BCOR: variants seen among roughly 807,000 people sequenced by gnomAD.
The protein encoded by BCOR is BCL6 corepressor.
Under a neutral mutation model 86.7 loss-of-function variants are expected in BCOR, and 10 were observed. The ratio of observed to expected loss-of-function variants is 0.12; its 90% CI spans 0.07 to 0.20. The LOEUF is 0.20. Among genes scored for constraint, BCOR ranks in the 10% least tolerant of loss-of-function variants. The pLI, the probability that BCOR is intolerant of heterozygous loss-of-function variation, is 1.00. For synonymous variants in BCOR, 611 were observed against 609.0 expected (o/e 1.00, Z -0.05); for missense variants, 1,259 against 1,452.1 (o/e 0.87, Z 2.16).
chrX:40,054,502 T>A (rs1316737867), intron 12 of BCOR, among the ~76,000 whole-genome samples, 169 bp from the exon 13 acceptor site: 7 of 106,464 alleles, frequency 6.6e-5, no homozygotes, highest in African/African-American at 2.4e-4. Context: ...TGTATCTCTT[T>A]TTTTTTTTTT....
intron 1 of BCOR, among the ~76,000 whole-genome samples, chrX:40,158,835 C>T (rs984864358): frequency 8.9e-6 from 1 of 112,309 alleles, no homozygotes; most frequent in Non-Finnish European, 1.9e-5. Flanking sequence ...TTGCTAAGGG[C>T]GAGGCGCTGT....
chrX:40,145,650 G>C (rs1052229657), intron 1 of BCOR, among the ~76,000 whole-genome samples: 1 of 111,787 alleles, frequency 8.9e-6, no homozygotes, highest in Non-Finnish European at 1.9e-5. Context: ...ATAGGGGTGG[G>C]GGTCTCCTGG....
At chrX:40,095,802 T>C (rs1410482512) in intron 1 of BCOR, among the ~76,000 whole-genome samples, 5 of 80,926 alleles carry the variant, frequency 6.2e-5, no homozygotes, top group African/African-American at 2.5e-4. Context: ...TCACAGCCTC[T>C]AGCTGGAGAT....
At chrX:40,113,145 C>A (rs1409466005) in intron 1 of BCOR, among the ~76,000 whole-genome samples, 2 of 107,528 alleles carry the variant, frequency 1.9e-5, no homozygotes. Flanking sequence ...TTGCTATCCT[C>A]CAGTCCACCC....
In BCOR at chrX:40,057,186, C is replaced by G; in HGVS notation, c.4564G>C (p.Asp1522His). Residue 1522 changes from aspartate to histidine, a missense_variant, in exon 11 of 15, where the codon GAT (aspartate) becomes CAT (histidine). Around this residue, in one of 7 missense-constraint regions of BCOR, gnomAD observed 47 missense variants for 102.1 expected, o/e 0.46. Coordinates refer to ENST00000378444, the MANE Select transcript of BCOR (RefSeq NM_001123385.2). Reference sequence around the variant, plus strand: ...CCATCCTGGGCACTACAGTTGACATCAGCGCCATATTCAAGGAGGTGTCGC... The same window carrying G: ...CCATCCTGGGCACTACAGTTGACATGAGCGCCATATTCAAGGAGGTGTCGC... Reference protein sequence around the residue: ...IVRHLLEYGADVNCSAQDGTR... With the variant: ...IVRHLLEYGAHVNCSAQDGTR... 1 of 1,211,928 alleles carries G rather than the reference C, an allele frequency of 8.3e-7. No individual in the cohort carries two copies. The highest frequency in any genetic ancestry group is 2.4e-4 in the Middle Eastern group (1 of 4,208).
At chrX:40,153,041 C>A (rs773985435) in intron 1 of BCOR, among the ~76,000 whole-genome samples, 1 of 113,170 alleles carries the variant, frequency 8.8e-6, no homozygotes, top group African/African-American at 3.2e-5. Context: ...AGCAGCCTGC[C>A]CGGCCAAGTG....
intron 1 of BCOR, among the ~76,000 whole-genome samples, chrX:40,162,710 G>A (rs748633551): frequency 4.5e-5 from 5 of 111,929 alleles, no homozygotes; most frequent in African/African-American, 1.6e-4. Flanking sequence ...TGGATTTAGG[G>A]AAGATGTGTC....
At position 40,073,279 on chromosome X, in the gene BCOR, G is replaced by A; in HGVS notation, c.2067C>T (p.Gly689=). Residue 689 remains glycine (G), a synonymous_variant, in exon 4 of 15, where the codon GGC becomes GGT. Transcript: ENST00000378444. ...GGGCAAGGTGCCCAGGAAACAGACT[G>A]CCATTGGGTAACAAAACTGGGTGAG... ...VYPHPVLLPN[G]SLFPGHLAPK... is the part of the protein sequence containing the mutation. The A allele has an allele frequency of 1.7e-6, 2 of 1,211,038 alleles. No homozygotes were observed. Among genetic ancestry groups the A allele is most frequent in the Non-Finnish European group, 2.2e-6 (2 of 894,860 alleles).
chrX:40,108,166 T>G (rs1937230033), intron 1 of BCOR, among the ~76,000 whole-genome samples: 1 of 112,415 alleles, frequency 8.9e-6, no homozygotes, highest in Non-Finnish European at 1.9e-5. Context: ...AATCGCCAGC[T>G]GCCAACCCAT....
chrX:40,082,049 A>G (rs958865942), intron 1 of BCOR, among the ~76,000 whole-genome samples: 1 of 112,598 alleles, frequency 8.9e-6, no homozygotes, highest in Non-Finnish European at 1.9e-5. Flanking sequence ...TTATGATGAG[A>G]GCACCTGAGC....
chrX:40,117,923 A>G (rs780337022), intron 1 of BCOR, among the ~76,000 whole-genome samples: 1 of 109,803 alleles, frequency 9.1e-6, no homozygotes, highest in South Asian at 4.0e-4. Flanking sequence ...ACTATTCGAG[A>G]GATAGTTTCC....
chrX:40,087,507 A>C (rs1455704484), intron 1 of BCOR, among the ~76,000 whole-genome samples: 1 of 112,518 alleles, frequency 8.9e-6, no homozygotes, highest in East Asian at 2.8e-4. Context: ...CGATGGGCAG[A>C]GTATCATGAA....
At chrX:40,099,189 C>A, upstream of BCOR, among the ~76,000 whole-genome samples, 1 of 111,503 alleles carries the variant, frequency 9.0e-6, no homozygotes. Flanking sequence ...TTCTCCAGCG[C>A]ACCCGGCGCG....
At chrX:40,102,797 G>A (rs1937097196), upstream of BCOR, among the ~76,000 whole-genome samples, 1 of 113,351 alleles carries the variant, frequency 8.8e-6, no homozygotes, top group African/African-American at 3.2e-5. Context: ...AGGTGGGTAC[G>A]GACCAGCAGA....
intron 1 of BCOR, among the ~76,000 whole-genome samples, chrX:40,079,719 C>T (rs1377518373): frequency 1.8e-5 from 2 of 111,380 alleles, no homozygotes; most frequent in Admixed American, 9.5e-5. Context: ...CCCAAAGGAC[C>T]GACTCGGCTG....
At chrX:40,176,376 A>G (rs1938753073) in intron 1 of BCOR, among the ~76,000 whole-genome samples, 1 of 112,297 alleles carries the variant, frequency 8.9e-6, no homozygotes, top group African/African-American at 3.2e-5. Flanking sequence ...CCCCTCCCGG[A>G]GTAGCCCCGC....
At chrX:40,083,053 C>A (rs1412947532) in intron 1 of BCOR, among the ~76,000 whole-genome samples, 1 of 105,728 alleles carries the variant, frequency 9.5e-6, no homozygotes, top group Non-Finnish European at 1.9e-5. Flanking sequence ...AGCAGCAGCG[C>A]TGTGCTCCGG....
At chrX:40,087,987 C>T (rs780718489) in intron 1 of BCOR, among the ~76,000 whole-genome samples, 1 of 112,296 alleles carries the variant, frequency 8.9e-6, no homozygotes, top group East Asian at 2.8e-4. Context: ...ACGTAGGCCT[C>T]GAGCTATTTC....
At chrX:40,095,801 C>T (rs1936835414) in intron 1 of BCOR, among the ~76,000 whole-genome samples, 1 of 105,824 alleles carries the variant, frequency 9.4e-6, no homozygotes, top group African/African-American at 3.5e-5. Flanking sequence ...CTCACAGCCT[C>T]TAGCTGGAGA....
Sources: gnomAD v4.1 joint callset for allele counts (sites outside exome capture counted in the v4.1 genomes callset) on GRCh38, gnomAD v4.1.1 for gene constraint, gnomAD v4.1.1 regional missense constraint, MANE v1.5 for transcripts, NCBI Gene and HGNC (gene_info 2026-07-23, HGNC 2026-07-21) for gene names.